Variants in PHACTR3 observed in about 807,000 individuals in gnomAD.
PHACTR3 encodes the protein protein phosphatase 1, regulatory subunit 123.
Under a neutral mutation model 66.8 loss-of-function variants are expected in PHACTR3, and 16 were observed. The ratio of observed to expected loss-of-function variants is 0.24; its 90% confidence interval spans 0.16 to 0.36. PHACTR3 has a LOEUF of 0.36. Ranked by LOEUF, PHACTR3 falls within the 10% of genes least tolerant of loss-of-function variation. The pLI, the probability that PHACTR3 is intolerant of heterozygous loss-of-function variation, is 1.00. For missense variants in PHACTR3, 647 were observed against 719.9 expected (o/e 0.90, Z 1.16); for synonymous variants, 323 against 292.1 (o/e 1.11, Z -1.08).
rs115465501 is a variant in PHACTR3 at position 59,747,057 on chromosome 20, G to A, written c.281-701G>A. On this transcript the variant is annotated intron_variant, in intron 2 of 12. Coordinates refer to ENST00000371015, the MANE Select transcript of PHACTR3 (RefSeq NM_080672.5). ...GAAGAAGATGATTGTGGAGCAGCCCGAGGCCTGCCTGTGAAAGAAGGGAGA... is the reference window on the plus strand; with the variant it reads ...GAAGAAGATGATTGTGGAGCAGCCCAAGGCCTGCCTGTGAAAGAAGGGAGA... Among the ~76,000 whole-genome samples, 1,508 of 152,332 alleles carry A rather than the reference G, an allele frequency of 9.9e-3. 19 individuals carry two copies. Among genetic ancestry groups the A allele is most frequent in the African/African-American group, 0.033 (1,387 of 41,570 alleles).
rs1175273014 is a variant in PHACTR3, at chr20:59,767,520, A to T, written c.751+125A>T. ...CACCCATTCACTCATCCATCCATCCATACCTTCAACCAGTCTTGATTGGGC... is the reference window on the plus strand; with the variant it reads ...CACCCATTCACTCATCCATCCATCCTTACCTTCAACCAGTCTTGATTGGGC... On this transcript the variant is annotated intron_variant, in intron 5 of 12. Transcript: ENST00000371015. 5.2e-6 allele frequency: 6 copies of T among 1,149,080 alleles called. No individual in the cohort carries two copies. The African/African-American group carries it at 9.2e-5, about 18-fold the overall frequency. The allele number at this position is 1,149,080 out of a possible 1,614,324, so 71.2% of individuals were successfully genotyped here.
chr20:59,805,495 G>C (rs1219409638), intron 7 of PHACTR3, among the ~76,000 whole-genome samples: 1 of 152,194 alleles, frequency 6.6e-6, no homozygotes, highest in Non-Finnish European at 1.5e-5. Flanking sequence ...GGCTCAGAGG[G>C]TTTCTGAGGA....
chr20:59,794,306 T>C (rs2041191857), intron 7 of PHACTR3, among the ~76,000 whole-genome samples: 1 of 152,208 alleles, frequency 6.6e-6, no homozygotes, highest in Admixed American at 6.5e-5. Context: ...GAAGTGATGT[T>C]GAATTTTGTC....
rs71183177 is a variant in PHACTR3, at chr20:59,622,981, C to CAAAAAAAAAA, written c.118+17860_118+17869dup. Among the ~76,000 whole-genome samples, 26 of 32,216 alleles carry CAAAAAAAAAA rather than the reference C, an allele frequency of 8.1e-4. 2 individuals are homozygous for CAAAAAAAAAA. The highest frequency in any genetic ancestry group is 1.1e-3 in the African/African-American group (8 of 7,248). The allele number at this position is 32,216 out of a possible 152,430, so 21.1% of individuals were successfully genotyped here. A position where few individuals can be genotyped will look rare whatever the true frequency, so the allele number is the denominator to read the frequency against. On this transcript the variant is annotated intron_variant, in intron 1 of 12. Coordinates refer to ENST00000371015, the MANE Select transcript of PHACTR3 (RefSeq NM_080672.5). ...ATTCTAATTTTACAGCAGCTTTAACCAAAAAAAAAAAAAAAAAAAACCCAA... is the reference window on the plus strand; with the variant it reads ...ATTCTAATTTTACAGCAGCTTTAACCAAAAAAAAAAAAAAAAAAAAAAAAAAAAAACCCAA...
rs985853139 is a variant in PHACTR3 at position 59,820,819 on chromosome 20, C to G, written c.1328+14625C>G. Among the ~76,000 whole-genome samples, 1 of 152,194 alleles carries G rather than the reference C, an allele frequency of 6.6e-6. No individual in the cohort carries two copies. The highest frequency in any genetic ancestry group is 6.5e-5 in the Admixed American group (1 of 15,280). On this transcript the variant is annotated intron_variant, in intron 8 of 12. Coordinates refer to ENST00000371015, the MANE Select transcript of PHACTR3 (RefSeq NM_080672.5). The surrounding 1 kb of genome is among the most constrained non-coding windows in gnomAD (Gnocchi z 4.6). ...GTGTCAATAAAACATGATTCCCAAA[C>G]CAGGGAGCAGGTGGTTTGGTGGACT...
intron 1 of PHACTR3, among the ~76,000 whole-genome samples, chr20:59,717,667 A>G (rs2038141731): frequency 6.6e-6 from 1 of 152,062 alleles, no homozygotes; most frequent in Non-Finnish European, 1.5e-5. Context: ...GCTGGCGTAA[A>G]CCATGATATA....
At chr20:59,826,054 A>C (rs1361883378) in intron 8 of PHACTR3, among the ~76,000 whole-genome samples, 1 of 152,134 alleles carries the variant, frequency 6.6e-6, no homozygotes, top group Non-Finnish European at 1.5e-5. Context: ...CAGACTCCAG[A>C]ACAGGGAGAA....
At chr20:59,695,265 C>T (rs1176116069) in intron 1 of PHACTR3, among the ~76,000 whole-genome samples, 1 of 152,106 alleles carries the variant, frequency 6.6e-6, no homozygotes, top group East Asian at 1.9e-4. Context: ...GGAAGAGGGG[C>T]CTGGTGGGAG....
At chr20:59,755,844 C>T (rs897134027) in intron 4 of PHACTR3, among the ~76,000 whole-genome samples, 2 of 152,168 alleles carry the variant, frequency 1.3e-5, no homozygotes, top group African/African-American at 4.8e-5. Flanking sequence ...GGGAGCTGGT[C>T]GGTGCTGATG....
intron 3 of PHACTR3, among the ~76,000 whole-genome samples, chr20:59,748,154 G>GT (rs1225046423): frequency 3.9e-5 from 6 of 152,282 alleles, no homozygotes; most frequent in African/African-American, 1.2e-4. Flanking sequence ...GGTAGCAGTG[G>GT]TTTTTTCAGC....
At chr20:59,715,928 A>G (rs2038075558) in intron 1 of PHACTR3, among the ~76,000 whole-genome samples, 1 of 152,242 alleles carries the variant, frequency 6.6e-6, no homozygotes, top group South Asian at 2.1e-4. Context: ...CAGACACTGC[A>G]GCAGTTAAGG....
chr20:59,712,578 G>A (rs544183235), intron 1 of PHACTR3, among the ~76,000 whole-genome samples: 6 of 152,090 alleles, frequency 3.9e-5, no homozygotes, highest in East Asian at 3.9e-4. Flanking sequence ...TCTTGAGGAC[G>A]GGACTCAATT....
intron 8 of PHACTR3, among the ~76,000 whole-genome samples, chr20:59,816,767 G>GTAGT (rs1398216405): frequency 6.6e-6 from 1 of 152,216 alleles, no homozygotes; most frequent in Non-Finnish European, 1.5e-5. Flanking sequence ...GGGTGGTTGG[G>GTAGT]TAGTTAGATG....
intron 1 of PHACTR3, among the ~76,000 whole-genome samples, chr20:59,662,529 C>T (rs943655113): frequency 9.2e-5 from 14 of 152,132 alleles, no homozygotes; most frequent in African/African-American, 3.4e-4. Context: ...ATGCACGTTG[C>T]TAATGGAGAC....
chr20:59,793,018 G>C (rs56144357), intron 7 of PHACTR3, among the ~76,000 whole-genome samples: 2 of 151,696 alleles, frequency 1.3e-5, no homozygotes, highest in Non-Finnish European at 2.9e-5. Flanking sequence ...CTGAGTAGCC[G>C]AGACTATAGA....
At chr20:59,629,169 G>T (rs548349018) in intron 1 of PHACTR3, among the ~76,000 whole-genome samples, 16 of 152,362 alleles carry the variant, frequency 1.1e-4, no homozygotes, top group African/African-American at 3.8e-4. Flanking sequence ...TGGCATGGGC[G>T]ACGTGTGTGG....
At chr20:59,668,653 G>A (rs2036081348) in intron 1 of PHACTR3, among the ~76,000 whole-genome samples, 1 of 152,164 alleles carries the variant, frequency 6.6e-6, no homozygotes, top group Admixed American at 6.5e-5. Context: ...AATGACATGT[G>A]CCTTAGATGA....
intron 5 of PHACTR3, among the ~76,000 whole-genome samples, chr20:59,768,618 C>T (rs1391651120): frequency 2.0e-5 from 3 of 152,194 alleles, no homozygotes; most frequent in African/African-American, 7.2e-5. Flanking sequence ...GAGGGAACTG[C>T]CACCTTTTGG....
chr20:59,578,362 G>T (rs2032774793), intron 1 of PHACTR3, among the ~76,000 whole-genome samples: 1 of 152,194 alleles, frequency 6.6e-6, no homozygotes, highest in Admixed American at 6.5e-5. Flanking sequence ...GTGGGGTGGA[G>T]GAGAGCTAGG....
Sources: gnomAD v4.1 joint callset for allele counts (sites outside exome capture counted in the v4.1 genomes callset) on GRCh38, gnomAD v4.1.1 for gene constraint, Gnocchi (gnomAD v3.1) non-coding constraint, MANE v1.5 for transcripts, NCBI Gene and HGNC (gene_info 2026-07-23, HGNC 2026-07-21) for gene names.